MUC5B: variants seen among roughly 807,000 people sequenced by gnomAD.
MUC5B encodes mucin-5B.
In MUC5B, 116 loss-of-function variants were observed where a neutral mutation model predicts 376.9. The observed-to-expected ratio is 0.31, with a 90% confidence interval of 0.26 to 0.36. The LOEUF (loss-of-function observed/expected upper bound fraction) is 0.36. MUC5B is among the 10% of genes least tolerant of loss of function. The probability of loss-of-function intolerance (pLI) is 1.00; values close to 1 mark genes in which losing one functional copy is unlikely to be tolerated. For missense variants in MUC5B, 7,165 were observed against 7,769.9 expected (o/e 0.92, Z 2.93); for synonymous variants, 3,517 against 3,390.9 (o/e 1.04, Z -1.29).
In MUC5B at chr11:1,257,190, C is replaced by A. The variant is rs375261803; in HGVS notation, c.16238-50C>A. 6.4e-6 allele frequency: 5 copies of A among 779,448 alleles called. No homozygotes were observed. The East Asian group carries it at 1.2e-4, about 19-fold the overall frequency. 48.3% of individuals were successfully genotyped at this position (779,448 alleles called of 1,614,324 possible). On this transcript the variant is annotated intron_variant, in intron 39 of 48. Transcript: ENST00000529681. The surrounding 1 kb of genome is among the most constrained non-coding windows in gnomAD (Gnocchi z 8.9). ...GCACCTCCCATGGCCAGAGGCCCCTCCGCCTGCAAACTCAGCACCCTCCGT... is the reference window on the plus strand; with the variant it reads ...GCACCTCCCATGGCCAGAGGCCCCTACGCCTGCAAACTCAGCACCCTCCGT...
intron 14 of MUC5B, 33 bp downstream of exon 14, chr11:1,231,593 C>A (rs1862030334): frequency 1.3e-6 from 2 of 1,542,760 alleles, no homozygotes; most frequent in Admixed American, 2.0e-5. Context: ...GGGGACAGGG[C>A]CATTGGGGAC....
At position 1,244,265 on chromosome 11, in the gene MUC5B, C is replaced by A. The variant is rs1032436910; in HGVS notation, c.7385C>A (p.Thr2462Asn). The A allele has an allele frequency of 1.9e-6, 3 of 1,610,346 alleles. No individual in the cohort carries two copies. Among genetic ancestry groups the A allele is most frequent in the Non-Finnish European group, 1.7e-6 (2 of 1,178,512 alleles). The change falls in exon 31 of 49, where the codon ACC becomes AAC. Residue 2462 changes from threonine (T) to asparagine (N), a missense_variant. This residue lies in a region of MUC5B where 194 missense variants were observed against 268.5 expected (regional missense o/e 0.72). Coordinates refer to ENST00000529681, the MANE Select transcript of MUC5B (RefSeq NM_002458.3). Reference protein sequence around the residue: ...TATPSSTPGTTWILTEPSTTA... With the variant: ...TATPSSTPGTNWILTEPSTTA... The stretch of plus-strand genomic sequence containing the variant: ...ACCCCGTCCTCCACCCCAGGGACCA[C>A]CTGGATCCTCACAGAGCCGAGCACT...
Position 1,252,852 on chromosome 11 carries a change from G to A in MUC5B, c.15089G>A (p.Cys5030Tyr). 1 of 1,612,226 alleles carries A rather than the reference G, an allele frequency of 6.2e-7. No individual in the cohort carries two copies. The highest frequency in any genetic ancestry group is 1.1e-5 in the South Asian group (1 of 90,938). ...CTGGAGAACTGCACGGTGGCCAGGT[G>A]CGTGGGTGACAACCGTGTCGTCCTG... ...WTLENCTVARCVGDNRVVLLD... is the reference protein window; with the variant it reads ...WTLENCTVARYVGDNRVVLLD... The change falls in exon 33 of 49, where the codon TGC (cysteine) becomes TAC (tyrosine). Residue 5030 changes from cysteine to tyrosine, a missense_variant. Around this residue, in one of 31 missense-constraint regions of MUC5B, gnomAD observed 842 missense variants for 1,016.9 expected, o/e 0.83. Coordinates refer to ENST00000529681, the MANE Select transcript of MUC5B (RefSeq NM_002458.3).
chr11:1,228,209 G>A (rs1429779535), intron 7 of MUC5B, among the ~76,000 whole-genome samples: 2 of 152,218 alleles, frequency 1.3e-5, no homozygotes, highest in East Asian at 3.9e-4. Context: ...CCCTGGGCCT[G>A]GGGACGGAGG....
intron 23 of MUC5B, 132 bp downstream of exon 23, chr11:1,235,545 C>G (rs764232031): frequency 2.6e-5 from 20 of 755,796 alleles, no homozygotes; most frequent in Non-Finnish European, 4.2e-5. Flanking sequence ...CTGTTCCAAG[C>G]AGCCACAAAC....
intron 11 of MUC5B, 50 bp from the exon 12 acceptor site, chr11:1,230,439 AC>A: frequency 6.7e-7 from 1 of 1,485,922 alleles, no homozygotes; most frequent in Non-Finnish European, 9.1e-7. Context: ...TCTGGGGGGC[AC>A]CCCACATCAT....
chr11:1,228,951 G>A (rs1443900373), intron 8 of MUC5B, among the ~76,000 whole-genome samples, 186 bp downstream of exon 8: 2 of 152,086 alleles, frequency 1.3e-5, no homozygotes, highest in African/African-American at 4.8e-5. Flanking sequence ...GGGGGCTGCA[G>A]GAGAAGGAGA....
At position 1,229,728 on chromosome 11, in the gene MUC5B, C is replaced by G; in HGVS notation, c.1141C>G (p.Pro381Ala). 6.3e-7 allele frequency: 1 copy of G among 1,595,584 alleles called. No individual in the cohort carries two copies. The highest frequency in any genetic ancestry group is 1.1e-5 in the South Asian group (1 of 88,386). The change falls in exon 10 of 49, where the codon CCC becomes GCC. Residue 381 changes from proline (P) to alanine (A), a missense_variant. By Grantham distance (27) the Pro-to-Ala change is conservative. Around this residue, in one of 31 missense-constraint regions of MUC5B, gnomAD observed 640 missense variants for 733.0 expected, o/e 0.87. Transcript: ENST00000529681. ...TGACATCACGCACTCTGGCTGCCTG[C>G]CCCTCGGGCAGTGCCCCTGCACCCA... ...LDDITHSGCL[P>A]LGQCPCTHGG...
chr11:1,228,785 T>TC lies in MUC5B; in HGVS notation c.976+21dup. 7.7e-7 allele frequency: 1 copy of TC among 1,294,634 alleles called. No individual in the cohort carries two copies. The highest frequency in any genetic ancestry group is 1.0e-6 in the Non-Finnish European group (1 of 998,440). 80.2% of individuals were successfully genotyped at this position (1,294,634 alleles called of 1,614,324 possible). A position where few individuals can be genotyped will look rare whatever the true frequency, so the allele number is the denominator to read the frequency against. On this transcript the variant is annotated intron_variant, in intron 8 of 48. Transcript: ENST00000529681. Reference sequence around the variant, plus strand: ...TCTGCCGTGAGTGCTCCCAGGGCCTTCGCCAGGGATTGTGCCAGAGAGAAG... The same window carrying TC: ...TCTGCCGTGAGTGCTCCCAGGGCCTTCCGCCAGGGATTGTGCCAGAGAGAAG...
chr11:1,223,159 G>T lies in MUC5B; in HGVS notation c.36G>T (p.Leu12Phe). Residue 12 changes from leucine (L) to phenylalanine (F), a missense_variant, in exon 1 of 49, where the codon TTG (leucine) becomes TTT (phenylalanine). Physicochemically the swap from Leu to Phe is conservative, Grantham distance 22. Coordinates refer to ENST00000529681, the MANE Select transcript of MUC5B (RefSeq NM_002458.3). ...GAPSACRTLV[L>F]ALAAMLVVPQ... ...CGAGCGCGTGCCGGACGCTGGTGTT[G>T]GCTCTGGCGGCCATGCTCGTGGTGC... 1.4e-6 allele frequency: 1 copy of T among 707,166 alleles called. No homozygotes were observed. The highest frequency in any genetic ancestry group is 2.6e-6 in the Non-Finnish European group (1 of 382,956). The allele number at this position is 707,166 out of a possible 1,614,324, so 43.8% of individuals were successfully genotyped here. A position where few individuals can be genotyped will look rare whatever the true frequency, so the allele number is the denominator to read the frequency against.
chr11:1,246,773 C>T lies in MUC5B; in HGVS notation c.9893C>T (p.Ser3298Phe), dbSNP rs749661428. The change falls in exon 31 of 49, where the codon TCC (serine) becomes TTC (phenylalanine). Residue 3298 changes from serine (S) to phenylalanine (F), a missense_variant. By Grantham distance (155) the Ser-to-Phe change is radical. Around this residue, in one of 31 missense-constraint regions of MUC5B, gnomAD observed 939 missense variants for 770.6 expected, o/e 1.22. Coordinates refer to ENST00000529681, the MANE Select transcript of MUC5B (RefSeq NM_002458.3). ...RATGSVATPS[S>F]TPGTAHTTKV... ...ACCGGCTCTGTGGCCACCCCCTCCTCCACCCCAGGAACAGCTCACACTACC... is the reference window on the plus strand; with the variant it reads ...ACCGGCTCTGTGGCCACCCCCTCCTTCACCCCAGGAACAGCTCACACTACC... The T allele has an allele frequency of 2.0e-5, 33 of 1,610,756 alleles. No individual in the cohort carries two copies. The highest frequency in any genetic ancestry group is 5.0e-5 in the Admixed American group (3 of 59,912).
Position 1,248,635 on chromosome 11 carries a change from C to T in MUC5B, c.11755C>T (p.Leu3919=), listed in dbSNP as rs1379108251. ...GGGGACCACCCACACCCCCACAGTGCTGACCACCACCACCACAACTGTGGC... is the reference window on the plus strand; with the variant it reads ...GGGGACCACCCACACCCCCACAGTGTTGACCACCACCACCACAACTGTGGC... ...VPGTTHTPTV[L]TTTTTTVATG... is the part of the protein sequence containing the mutation. Residue 3919 remains leucine (L), a synonymous_variant, in exon 31 of 49, where the codon CTG becomes TTG. Coordinates refer to ENST00000529681, the MANE Select transcript of MUC5B (RefSeq NM_002458.3). 1 of 1,610,910 alleles carries T rather than the reference C, an allele frequency of 6.2e-7. No individual in the cohort carries two copies. Among genetic ancestry groups the T allele is most frequent in the Non-Finnish European group, 8.5e-7 (1 of 1,178,870 alleles).
rs1449981779 is a variant in MUC5B at position 1,248,561 on chromosome 11, C to G, written c.11681C>G (p.Thr3894Ser). Residue 3894 changes from threonine to serine, a missense_variant, in exon 31 of 49, where the codon ACC becomes AGC. Thr to Ser is a moderately conservative substitution (Grantham distance 58, BLOSUM62 1). Around this residue, in one of 31 missense-constraint regions of MUC5B, gnomAD observed 242 missense variants for 199.0 expected, o/e 1.22. Coordinates refer to ENST00000529681, the MANE Select transcript of MUC5B (RefSeq NM_002458.3). The part of the protein sequence containing the change: ...ARTPPVWIST[T>S]TTPTTSGSTV... ...ACGCCTCCAGTGTGGATCAGCACAA[C>G]CACCACACCCACAACCAGTGGCTCC... The G allele has an allele frequency of 6.2e-7, 1 of 1,613,212 alleles. No individual in the cohort carries two copies. Among genetic ancestry groups the G allele is most frequent in the Non-Finnish European group, 8.5e-7 (1 of 1,179,722 alleles).
Position 1,234,712 on chromosome 11 carries a change from G to C in MUC5B, c.2630+32G>C, listed in dbSNP as rs1452413329. The C allele has an allele frequency of 7.7e-7, 1 of 1,296,948 alleles. No individual in the cohort carries two copies. The highest frequency in any genetic ancestry group is 1.5e-5 in the African/African-American group (1 of 65,692). The allele number at this position is 1,296,948 out of a possible 1,614,324, so 80.3% of individuals were successfully genotyped here. On this transcript the variant is annotated intron_variant, in intron 21 of 48. Transcript: ENST00000529681. This position sits in a 1 kb window ranked among gnomAD's most constrained non-coding sequence, Gnocchi z 6.3. Reference sequence around the variant, plus strand: ...CGTGAGTCTCTCGGAGGCAGCAGGTGGGGAGGGCGGGGGCGGGGAGGGCAG... The same window carrying C: ...CGTGAGTCTCTCGGAGGCAGCAGGTCGGGAGGGCGGGGGCGGGGAGGGCAG...
Position 1,229,309 on chromosome 11 carries a change from G to T in MUC5B, c.1102+14G>T. On this transcript the variant is annotated intron_variant, in intron 9 of 48. Transcript: ENST00000529681. ...TCTGCCCCCCAGGCAGGTCTTGTGT[G>T]CCCTGAACCCCTCAGGGGGCTTTCA... The T allele has an allele frequency of 6.4e-7, 1 of 1,552,060 alleles. No individual in the cohort carries two copies.
intron 17 of MUC5B, 25 bp from the exon 18 acceptor site, chr11:1,232,988 T>TCC (rs752480740): frequency 6.5e-7 from 1 of 1,547,486 alleles, no homozygotes; most frequent in African/African-American, 1.4e-5. Flanking sequence ...CGCTGACCTG[T>TCC]CCCCCCTGGC....
At position 1,233,278 on chromosome 11, in the gene MUC5B, T is replaced by TG. The variant is rs751137333; in HGVS notation, c.2321+16dup. The TG allele has an allele frequency of 3.9e-6, 6 of 1,536,250 alleles. No homozygotes were observed. The African/African-American group carries it at 5.5e-5, about 14-fold the overall frequency. ...ACGAGGGCGCCGTGTGGTAAGGGTC[T>TG]GGGGGGAAAGCAGGCCCCCCAGGTG... On this transcript the variant is annotated intron_variant, in intron 18 of 48. Transcript: ENST00000529681.
At chr11:1,239,297 C>T (rs571230065) in intron 26 of MUC5B, 141 bp from the exon 27 acceptor site, 128 of 1,159,422 alleles carry the variant, frequency 1.1e-4, no homozygotes, top group African/African-American at 1.0e-3. Context: ...AGGCACCACC[C>T]GGCCGAGGCC....
In MUC5B at chr11:1,246,740, C is replaced by A; in HGVS notation, c.9860C>A (p.Thr3287Asn). ...GTGCTTACCACCACGACCACCACAA[C>A]CAGGGCCACCGGCTCTGTGGCCACC... The part of the protein sequence containing the change: ...STVLTTTTTT[T>N]RATGSVATPS... The change falls in exon 31 of 49, where the codon ACC (threonine) becomes AAC (asparagine). Residue 3287 changes from threonine to asparagine, a missense_variant. Physicochemically the swap from Thr to Asn is moderately conservative, Grantham distance 65. Coordinates refer to ENST00000529681, the MANE Select transcript of MUC5B (RefSeq NM_002458.3). 1 of 1,608,756 alleles carries A rather than the reference C, an allele frequency of 6.2e-7. No homozygotes were observed. The highest frequency in any genetic ancestry group is 8.5e-7 in the Non-Finnish European group (1 of 1,176,492).
Sources: gnomAD v4.1 joint callset for allele counts (sites outside exome capture counted in the v4.1 genomes callset) on GRCh38, gnomAD v4.1.1 for gene constraint, gnomAD v4.1.1 regional missense constraint, Gnocchi (gnomAD v3.1) non-coding constraint, MANE v1.5 for transcripts, NCBI Gene and HGNC (gene_info 2026-07-23, HGNC 2026-07-21) for gene names.